BMPR1B: variants seen among roughly 807,000 people sequenced by gnomAD.
The protein encoded by BMPR1B is bone morphogenetic protein receptor type-1B.
Under a neutral mutation model 59.1 loss-of-function variants are expected in BMPR1B, and 12 were observed. The observed-to-expected ratio is 0.20, with a 90% CI of 0.13 to 0.33. The LOEUF (loss-of-function observed/expected upper bound fraction) is 0.33. Ranked by LOEUF, BMPR1B falls within the 10% of genes least tolerant of loss-of-function variation. The probability of loss-of-function intolerance (pLI) is 1.00; values close to 1 mark genes in which losing one functional copy is unlikely to be tolerated. For synonymous variants in BMPR1B, 237 were observed against 207.3 expected, an observed-to-expected ratio of 1.14 and a Z score of -1.23; for missense variants, 550 against 610.9, an observed-to-expected ratio of 0.90 and a Z score of 1.05.
rs1184456679 is a variant in BMPR1B at position 94,775,900 on chromosome 4, G to A, written c.-183+17832G>A. Among the ~76,000 whole-genome samples, 3 of 152,122 alleles carry A rather than the reference G, an allele frequency of 2.0e-5. No individual in the cohort carries two copies. In the East Asian group the frequency reaches 5.8e-4, roughly 29 times the overall value. On this transcript the variant is annotated intron_variant, in intron 1 of 12. Coordinates refer to ENST00000515059, the MANE Select transcript of BMPR1B (RefSeq NM_001203.3). ...AGGACAGGAGATCGAGAGCGTCCTGGCTAACACGGTGAAACCCCGTCTCTA... is the reference window on the plus strand; with the variant it reads ...AGGACAGGAGATCGAGAGCGTCCTGACTAACACGGTGAAACCCCGTCTCTA...
chr4:94,982,017 C>T (rs1361891957), intron 2 of BMPR1B, among the ~76,000 whole-genome samples: 1 of 152,144 alleles, frequency 6.6e-6, no homozygotes, highest in South Asian at 2.1e-4. Context: ...ATAATGTAAG[C>T]AAAATGTAGA....
At chr4:94,988,605 A>G (rs1248900315) in intron 2 of BMPR1B, among the ~76,000 whole-genome samples, 4 of 149,408 alleles carry the variant, frequency 2.7e-5, no homozygotes, top group Non-Finnish European at 5.9e-5. Context: ...CTTACATACA[A>G]CATTATTTCA....
intron 3 of BMPR1B, among the ~76,000 whole-genome samples, chr4:95,044,587 C>G (rs1725899001): frequency 6.6e-6 from 1 of 152,144 alleles, no homozygotes; most frequent in Non-Finnish European, 1.5e-5. Flanking sequence ...TTACCCCTTC[C>G]CACTCATGGA....
At chr4:95,142,813 C>T (rs1401406671) in intron 10 of BMPR1B, among the ~76,000 whole-genome samples, 5 of 140,706 alleles carry the variant, frequency 3.6e-5, no homozygotes, top group South Asian at 2.3e-4. Flanking sequence ...AGTTGGGGCT[C>T]TTTTTTTTTT....
At chr4:94,877,833 A>G (rs1411785877) in intron 2 of BMPR1B, among the ~76,000 whole-genome samples, 1 of 152,202 alleles carries the variant, frequency 6.6e-6, no homozygotes, top group East Asian at 1.9e-4. Context: ...AGAATAATTA[A>G]AACAGTATTT....
At chr4:94,922,339 AT>A (rs1457891135) in intron 2 of BMPR1B, among the ~76,000 whole-genome samples, 1 of 151,824 alleles carries the variant, frequency 6.6e-6, no homozygotes, top group Admixed American at 6.6e-5. Flanking sequence ...GCGTGTGTGT[AT>A]GAGAGAGAGA....
intron 6 of BMPR1B, among the ~76,000 whole-genome samples, chr4:95,118,643 C>T (rs1282597698): frequency 2.6e-5 from 4 of 152,136 alleles, no homozygotes; most frequent in Non-Finnish European, 5.9e-5. Context: ...AATCTGCTGT[C>T]CTGGAGAGAG....
chr4:94,826,925 ATAAT>A (rs1724403322), intron 1 of BMPR1B, among the ~76,000 whole-genome samples: 2 of 152,210 alleles, frequency 1.3e-5, no homozygotes, highest in Admixed American at 1.3e-4. Flanking sequence ...TTTAATTAAA[ATAAT>A]TTATTTGAGT....
intron 2 of BMPR1B, among the ~76,000 whole-genome samples, chr4:94,970,841 A>G (rs1416772117): frequency 2.0e-5 from 3 of 152,130 alleles, no homozygotes; most frequent in Non-Finnish European, 4.4e-5. Context: ...ATTGTTGACT[A>G]TAGTTGCTTC....
At chr4:95,012,579 TG>T (rs1242611822) in intron 3 of BMPR1B, among the ~76,000 whole-genome samples, 1 of 152,208 alleles carries the variant, frequency 6.6e-6, no homozygotes, top group African/African-American at 2.4e-5. Flanking sequence ...AATGTACCTA[TG>T]CTGCTTCTTA....
intron 1 of BMPR1B, among the ~76,000 whole-genome samples, chr4:94,850,137 A>G (rs959220535): frequency 3.9e-5 from 6 of 152,128 alleles, no homozygotes; most frequent in Admixed American, 2.6e-4. Context: ...GAGGGAGATT[A>G]CAACATAATC....
chr4:94,972,919 A>G (rs7698033), intron 2 of BMPR1B, among the ~76,000 whole-genome samples: 86,261 of 151,966 alleles, frequency 0.57, 25,306 homozygotes, highest in African/African-American at 0.7. Flanking sequence ...ACCCCTTGTG[A>G]GAGGGAGTGT....
chr4:95,150,266 G>C lies in BMPR1B; in HGVS notation c.1252+1343G>C, dbSNP rs573295861. Among the ~76,000 whole-genome samples, 6 of 152,208 alleles carry C rather than the reference G, an allele frequency of 3.9e-5. No homozygotes were observed. The South Asian group carries it at 1.2e-3, about 32-fold the overall frequency. On this transcript the variant is annotated intron_variant, in intron 11 of 12. Coordinates refer to ENST00000515059, the MANE Select transcript of BMPR1B (RefSeq NM_001203.3). ...ATATTGAATAAATTTCTCATTCTAAGTGTAAAGAAGAAGTAACCAAAAAAT... is the reference window on the plus strand; with the variant it reads ...ATATTGAATAAATTTCTCATTCTAACTGTAAAGAAGAAGTAACCAAAAAAT...
intron 3 of BMPR1B, among the ~76,000 whole-genome samples, chr4:95,102,030 A>G (rs541105156): frequency 1.3e-5 from 2 of 152,322 alleles, no homozygotes; most frequent in South Asian, 4.1e-4. Flanking sequence ...GTCAGTAAAT[A>G]TACTTCTGCA....
intron 10 of BMPR1B, among the ~76,000 whole-genome samples, chr4:95,133,500 C>T (rs1185826397): frequency 2.0e-5 from 3 of 152,170 alleles, no homozygotes; most frequent in Admixed American, 1.3e-4. Context: ...TATCATTACC[C>T]GAACACCCAT....
intron 1 of BMPR1B, among the ~76,000 whole-genome samples, chr4:94,846,851 A>G (rs1055276028): frequency 3.9e-5 from 6 of 152,118 alleles, no homozygotes; most frequent in Non-Finnish European, 5.9e-5. Flanking sequence ...TACTCAAAAA[A>G]AAAAAACGTT....
intron 3 of BMPR1B, among the ~76,000 whole-genome samples, chr4:95,009,522 A>G (rs570639616): frequency 1.3e-5 from 2 of 152,292 alleles, no homozygotes; most frequent in East Asian, 3.9e-4. Context: ...AGCAAGTCAC[A>G]AAAAATACAT....
intron 2 of BMPR1B, among the ~76,000 whole-genome samples, chr4:94,881,121 A>G (rs964000592): frequency 6.6e-6 from 1 of 152,158 alleles, no homozygotes; most frequent in Non-Finnish European, 1.5e-5. Flanking sequence ...CAGTATGTTT[A>G]CATTCTTGTA....
Position 94,949,308 on chromosome 4 carries a change from C to CTTTTTTTTT in BMPR1B, c.-112-46721_-112-46713dup, listed in dbSNP as rs1216699208. Among the ~76,000 whole-genome samples the CTTTTTTTTT allele has an allele frequency of 5.5e-4, 45 of 81,954 alleles. 3 individuals carry two copies. Among genetic ancestry groups the CTTTTTTTTT allele is most frequent in the African/African-American group, 1.8e-3 (33 of 18,068 alleles). 53.8% of individuals were successfully genotyped at this position (81,954 alleles called of 152,430 possible). A position where few individuals can be genotyped will look rare whatever the true frequency, so the allele number is the denominator to read the frequency against. On this transcript the variant is annotated intron_variant, in intron 2 of 12. Coordinates refer to ENST00000515059, the MANE Select transcript of BMPR1B (RefSeq NM_001203.3). Reference sequence around the variant, plus strand: ...TCCCTGCAAAGGACATGAACTCATTCTTTTTTTTTTTTTTTTTTTGAGACG... The same window carrying CTTTTTTTTT: ...TCCCTGCAAAGGACATGAACTCATTCTTTTTTTTTTTTTTTTTTTTTTTTTTTTGAGACG...
Sources: gnomAD v4.1 joint callset for allele counts (sites outside exome capture counted in the v4.1 genomes callset) on GRCh38, gnomAD v4.1.1 for gene constraint, MANE v1.5 for transcripts, NCBI Gene and HGNC (gene_info 2026-07-23, HGNC 2026-07-21) for gene names.